Variants in OLFM2 observed in about 807,000 individuals in gnomAD.
The protein encoded by OLFM2 is noelin-2.
A neutral mutation model predicts 43.9 loss-of-function variants in OLFM2; 20 were observed. The observed-to-expected ratio is 0.46, with a 90% CI of 0.32 to 0.66. The LOEUF is 0.66. Ranked by LOEUF, OLFM2 falls within the 30% of genes least tolerant of loss-of-function variation. The pLI is 0.04. For missense variants in OLFM2, 416 were observed against 643.6 expected, an observed-to-expected ratio of 0.65 and a Z score of 3.83; for synonymous variants, 268 against 278.6, an observed-to-expected ratio of 0.96 and a Z score of 0.38.
intron 1 of OLFM2, among the ~76,000 whole-genome samples, chr19:9,908,532 G>A (rs1421114677): frequency 7.3e-6 from 1 of 136,216 alleles, no homozygotes; most frequent in Non-Finnish European, 1.5e-5. Flanking sequence ...GGCTGGAAGT[G>A]CAGTGATGCA....
rs1181371120 is a variant in OLFM2 at position 9,853,931 on chromosome 19, T to TAA, written c.*253_*254dup. On this transcript the variant is annotated 3_prime_UTR_variant, in exon 6 of 6. Coordinates refer to ENST00000264833, the MANE Select transcript of OLFM2 (RefSeq NM_058164.4). ...GGAAAGAACTGGAGAACCAGAGCCATAAAAAGAAAAAGACATCCATAAAAA... is the reference window on the plus strand; with the variant it reads ...GGAAAGAACTGGAGAACCAGAGCCATAAAAAAAGAAAAAGACATCCATAAAAA... The TAA allele has an allele frequency of 6.3e-5, 36 of 571,948 alleles. No individual in the cohort carries two copies. Among genetic ancestry groups the TAA allele is most frequent in the Admixed American group, 6.8e-5 (2 of 29,452 alleles). The allele number at this position is 571,948 out of a possible 1,614,324, so 35.4% of individuals were successfully genotyped here.
intron 1 of OLFM2, among the ~76,000 whole-genome samples, chr19:9,882,746 C>A (rs1449200572): frequency 6.6e-6 from 1 of 150,650 alleles, no homozygotes; most frequent in South Asian, 2.1e-4. Flanking sequence ...GCTGTGTCTA[C>A]AAAAAATTAA....
chr19:9,882,850 T>C (rs2046551048), intron 1 of OLFM2, among the ~76,000 whole-genome samples: 1 of 150,686 alleles, frequency 6.6e-6, no homozygotes, highest in South Asian at 2.1e-4. Context: ...TGAGCTATGA[T>C]TGTGCCACTG....
chr19:9,883,244 G>A (rs2145457072), intron 1 of OLFM2, among the ~76,000 whole-genome samples: 1 of 148,900 alleles, frequency 6.7e-6, no homozygotes, highest in South Asian at 2.1e-4. Flanking sequence ...AGGAGATCAT[G>A]AAAGGTGAAC....
chr19:9,916,718 G>T (rs945211027), intron 1 of OLFM2, among the ~76,000 whole-genome samples: 1 of 152,128 alleles, frequency 6.6e-6, no homozygotes, highest in Non-Finnish European at 1.5e-5. Context: ...CTTCTCCAAG[G>T]AGTGGTCTGT....
intron 1 of OLFM2, among the ~76,000 whole-genome samples, chr19:9,885,793 T>C (rs2081058): frequency 6.6e-6 from 1 of 151,922 alleles, no homozygotes; most frequent in Non-Finnish European, 1.5e-5. Context: ...ACCCCTGCCC[T>C]GACTTTCAAT....
intron 1 of OLFM2, among the ~76,000 whole-genome samples, chr19:9,866,158 A>C (rs2046401288): frequency 6.6e-6 from 1 of 152,206 alleles, no homozygotes; most frequent in Non-Finnish European, 1.5e-5. Context: ...CAGTGTAATT[A>C]AATGCCTGGG....
At chr19:9,890,664 C>T (rs1032358779) in intron 1 of OLFM2, among the ~76,000 whole-genome samples, 3 of 152,128 alleles carry the variant, frequency 2.0e-5, no homozygotes, top group Admixed American at 1.3e-4. Context: ...CTTTAAGAGC[C>T]GGTGTGGACC....
At chr19:9,914,455 C>A (rs2046859035) in intron 1 of OLFM2, among the ~76,000 whole-genome samples, 1 of 152,076 alleles carries the variant, frequency 6.6e-6, no homozygotes, top group Non-Finnish European at 1.5e-5. Context: ...GGCCAGCAGA[C>A]GAAATTGTTT....
chr19:9,860,489 A>G (rs1379163385), intron 2 of OLFM2, among the ~76,000 whole-genome samples, 156 bp downstream of exon 2: 1 of 151,052 alleles, frequency 6.6e-6, no homozygotes, highest in East Asian at 1.9e-4. Flanking sequence ...AAAAAAAAAA[A>G]AAAGGACCTG....
intron 1 of OLFM2, among the ~76,000 whole-genome samples, chr19:9,909,112 T>G (rs1045877664): frequency 2.6e-5 from 4 of 152,124 alleles, no homozygotes; most frequent in Non-Finnish European, 5.9e-5. Flanking sequence ...AGCTTGAGAA[T>G]TATAGGCATG....
At position 9,857,972 on chromosome 19, in the gene OLFM2, G is replaced by T; in HGVS notation, c.214-111C>A. On this transcript the variant is annotated intron_variant, in intron 2 of 5. Coordinates refer to ENST00000264833, the MANE Select transcript of OLFM2 (RefSeq NM_058164.4). The surrounding 1 kb of genome is among the most constrained non-coding windows in gnomAD (Gnocchi z 5.7). ...GAGGCTGTACAAACACCACACCGAC[G>T]AGGCCACCTTCTCCTCCCCTGAGCT... is the stretch of plus-strand genomic sequence containing the variant. 1.5e-6 allele frequency: 2 copies of T among 1,357,968 alleles called. No homozygotes were observed. The highest frequency in any genetic ancestry group is 2.1e-6 in the Non-Finnish European group (2 of 964,778). 84.1% of individuals were successfully genotyped at this position (1,357,968 alleles called of 1,614,324 possible).
intron 1 of OLFM2, 104 bp downstream of exon 1, chr19:9,936,200 G>A: frequency 1.6e-6 from 2 of 1,249,398 alleles, no homozygotes; most frequent in Admixed American, 4.3e-5. Context: ...CCCTGCAGCT[G>A]GGGGGGCTTG....
At chr19:9,910,386 C>T (rs1051939740) in intron 1 of OLFM2, among the ~76,000 whole-genome samples, 1 of 151,996 alleles carries the variant, frequency 6.6e-6, no homozygotes, top group African/African-American at 2.4e-5. Context: ...TGGGGGTTTT[C>T]AAACATAAAA....
intron 1 of OLFM2, among the ~76,000 whole-genome samples, chr19:9,869,643 G>T (rs1482864641): frequency 6.6e-6 from 1 of 152,122 alleles, no homozygotes; most frequent in Non-Finnish European, 1.5e-5. Flanking sequence ...AAGAGACAGG[G>T]TGTCACTCTA....
At chr19:9,902,924 T>C (rs545073930) in intron 1 of OLFM2, among the ~76,000 whole-genome samples, 3 of 151,584 alleles carry the variant, frequency 2.0e-5, no homozygotes, top group Admixed American at 1.3e-4. Flanking sequence ...GTGATCCTCC[T>C]GCCTTGGCCT....
At chr19:9,915,886 T>C (rs968958307) in intron 1 of OLFM2, among the ~76,000 whole-genome samples, 1 of 151,726 alleles carries the variant, frequency 6.6e-6, no homozygotes, top group African/African-American at 2.4e-5. Flanking sequence ...GGGAAGAGAG[T>C]TCCACGCAAC....
At chr19:9,858,782 A>C (rs967718970) in intron 2 of OLFM2, among the ~76,000 whole-genome samples, 1 of 152,186 alleles carries the variant, frequency 6.6e-6, no homozygotes, top group African/African-American at 2.4e-5. Context: ...TGGCTAAGGT[A>C]GCCACCTTGT....
At chr19:9,871,416 C>CA (rs1044753367) in intron 1 of OLFM2, among the ~76,000 whole-genome samples, 1 of 151,214 alleles carries the variant, frequency 6.6e-6, no homozygotes, top group Non-Finnish European at 1.5e-5. Flanking sequence ...ACTAAAAATA[C>CA]AAAAAAATTA....
Sources: allele counts gnomAD v4.1 joint callset (sites outside exome capture counted in the v4.1 genomes callset), GRCh38; gene constraint gnomAD v4.1.1; non-coding constraint Gnocchi (gnomAD v3.1); transcripts MANE v1.5; gene names NCBI Gene and HGNC (gene_info 2026-07-23, HGNC 2026-07-21).